The following GLCE variants were observed in gnomAD, a reference collection of about 807,000 sequenced individuals.
GLCE encodes glucuronic acid epimerase, also known as D-glucuronyl C5-epimerase.
Under a neutral mutation model 47.9 loss-of-function variants are expected in GLCE, and 19 were observed. The observed-to-expected ratio is 0.40, with a 90% CI of 0.28 to 0.58. The LOEUF is 0.58. Among genes scored for constraint, GLCE ranks in the 20% least tolerant of loss-of-function variants. The pLI, the probability that GLCE is intolerant of heterozygous loss-of-function variation, is 0.48. For synonymous variants in GLCE, 245 were observed against 263.4 expected, an observed-to-expected ratio of 0.93 and a Z score of 0.68; for missense variants, 556 against 743.3, an observed-to-expected ratio of 0.75 and a Z score of 2.93.
Position 69,260,448 on chromosome 15 carries a change from C to T in GLCE, c.587-639C>T, listed in dbSNP as rs761967289. Among the ~76,000 whole-genome samples, 7 of 151,884 alleles carry T rather than the reference C, an allele frequency of 4.6e-5. No individual in the cohort carries two copies. In the East Asian group the frequency reaches 7.7e-4, roughly 17 times the overall value. On this transcript the variant is annotated intron_variant, in intron 3 of 4. Coordinates refer to ENST00000261858, the MANE Select transcript of GLCE (RefSeq NM_015554.3). ...CTAGCTTTTTGTATGTTAGTAGAGA[C>T]GGGGTTTCACCGTGTTGCCCAGGCT... is the stretch of plus-strand genomic sequence containing the variant.
intron 1 of GLCE, among the ~76,000 whole-genome samples, chr15:69,185,407 C>T (rs1211101959): frequency 6.6e-6 from 1 of 152,098 alleles, no homozygotes; most frequent in Admixed American, 6.5e-5. Flanking sequence ...TTTGTATCTC[C>T]TTTCTCTCTG....
intron 2 of GLCE, among the ~76,000 whole-genome samples, chr15:69,252,491 A>G (rs776611903): frequency 1.3e-5 from 2 of 152,244 alleles, no homozygotes; most frequent in African/African-American, 4.8e-5. Flanking sequence ...GCGCTAAGCC[A>G]TTCAAGAGGG....
At position 69,256,178 on chromosome 15, in the gene GLCE, C is replaced by T. The variant is rs780877809; in HGVS notation, c.372C>T (p.Asn124=). 49 of 1,613,926 alleles carry T rather than the reference C, an allele frequency of 3.0e-5. No homozygotes were observed. The highest frequency in any genetic ancestry group is 3.3e-4 in the Middle Eastern group (2 of 6,084). The change falls in exon 3 of 5, where the codon AAC becomes AAT. Residue 124 remains asparagine (N), a synonymous_variant. Coordinates refer to ENST00000261858, the MANE Select transcript of GLCE (RefSeq NM_015554.3). The part of the protein sequence containing the change: ...EHTIKGRREG[N]EVFLPFTWVE... ...CAATTAAAGGGAGACGAGAGGGGAA[C>T]GAAGTCTTTCTTCCATTCACTTGGG...
At chr15:69,183,597 C>T (rs1158206013) in intron 1 of GLCE, among the ~76,000 whole-genome samples, 1 of 152,224 alleles carries the variant, frequency 6.6e-6, no homozygotes, top group Non-Finnish European at 1.5e-5. Context: ...AATGCTATTT[C>T]TGTAAACCAA....
At chr15:69,209,348 T>G (rs1191538317) in intron 1 of GLCE, among the ~76,000 whole-genome samples, 3 of 152,130 alleles carry the variant, frequency 2.0e-5, no homozygotes, top group Non-Finnish European at 2.9e-5. Context: ...CATTTGACTA[T>G]TATGTTAGGA....
intron 1 of GLCE, among the ~76,000 whole-genome samples, chr15:69,162,424 C>G (rs1346876126): frequency 6.6e-6 from 1 of 151,978 alleles, no homozygotes; most frequent in African/African-American, 2.4e-5. Flanking sequence ...ATGTGGCAGG[C>G]AGTGAAGTCC....
At chr15:69,239,456 A>G (rs754592473) in intron 2 of GLCE, among the ~76,000 whole-genome samples, 10 of 152,194 alleles carry the variant, frequency 6.6e-5, no homozygotes, top group Non-Finnish European at 1.5e-4. Context: ...AAGCTGGAAC[A>G]TAAGATGGTT....
intron 1 of GLCE, among the ~76,000 whole-genome samples, chr15:69,176,938 A>G (rs2051674791): frequency 6.6e-6 from 1 of 152,202 alleles, no homozygotes; most frequent in African/African-American, 2.4e-5. Context: ...GACTTAGAGT[A>G]GAATCAGGAC....
intron 1 of GLCE, among the ~76,000 whole-genome samples, chr15:69,178,826 TATTA>T (rs756477286): frequency 1.3e-5 from 2 of 152,270 alleles, no homozygotes; most frequent in Admixed American, 6.5e-5. Flanking sequence ...CTCTTTATAG[TATTA>T]ATTATATTGT....
chr15:69,201,112 C>T (rs774445555), intron 1 of GLCE, among the ~76,000 whole-genome samples: 1 of 152,126 alleles, frequency 6.6e-6, no homozygotes, highest in Non-Finnish European at 1.5e-5. Flanking sequence ...TTCTGTCTTC[C>T]TCTTCCACTT....
chr15:69,253,288 T>A (rs2052874730), intron 2 of GLCE, among the ~76,000 whole-genome samples: 1 of 152,232 alleles, frequency 6.6e-6, no homozygotes, highest in Admixed American at 6.5e-5. Flanking sequence ...AACACCATCT[T>A]CTTTCTGGCA....
intron 2 of GLCE, among the ~76,000 whole-genome samples, chr15:69,221,707 A>G (rs1034749055): frequency 1.4e-4 from 21 of 152,002 alleles, no homozygotes; most frequent in African/African-American, 4.6e-4. Flanking sequence ...TACTAAAAAT[A>G]CAAACATTAG....
At chr15:69,222,400 C>T (rs575134984) in intron 2 of GLCE, among the ~76,000 whole-genome samples, 6 of 152,228 alleles carry the variant, frequency 3.9e-5, no homozygotes, top group African/African-American at 9.6e-5. Context: ...TGTGTAGGCA[C>T]GACCAGACAG....
In GLCE at chr15:69,268,737, A is replaced by G; in HGVS notation, c.1347A>G (p.Gln449=). The change falls in exon 5 of 5, where the codon CAA becomes CAG. Residue 449 remains glutamine (Q), a synonymous_variant. Coordinates refer to ENST00000261858, the MANE Select transcript of GLCE (RefSeq NM_015554.3). ...GGTATTCTGCCATGGCCCAAGGGCAAGCCATTTCTACATTAGTCAGGGCCT... is the reference window on the plus strand; with the variant it reads ...GGTATTCTGCCATGGCCCAAGGGCAGGCCATTTCTACATTAGTCAGGGCCT... ...PGWYSAMAQG[Q]AISTLVRAYL... 1 of 1,614,246 alleles carries G rather than the reference A, an allele frequency of 6.2e-7. No individual in the cohort carries two copies. The highest frequency in any genetic ancestry group is 1.1e-5 in the South Asian group (1 of 91,090).
At chr15:69,252,695 T>A (rs138355644) in intron 2 of GLCE, among the ~76,000 whole-genome samples, 141 of 152,288 alleles carry the variant, frequency 9.3e-4, no homozygotes, top group African/African-American at 3.2e-3. Context: ...TTTATATTTC[T>A]ATATTAGTTG....
In GLCE at chr15:69,160,844, G is replaced by T. The variant is rs2051406669; in HGVS notation, c.-105+87G>T. On this transcript the variant is annotated intron_variant, in intron 1 of 4. Coordinates refer to ENST00000261858, the MANE Select transcript of GLCE (RefSeq NM_015554.3). This position sits in a 1 kb window ranked among gnomAD's most constrained non-coding sequence, Gnocchi z 4.2. ...CCGGAGCAGGCGGGCTCCTGACGGG[G>T]GCGGCTCTGGGGGCTGCGCGGCGCT... 1 of 152,898 alleles carries T rather than the reference G, an allele frequency of 6.5e-6. No homozygotes were observed. Among genetic ancestry groups the T allele is most frequent in the Non-Finnish European group, 1.5e-5 (1 of 68,600 alleles). The allele number at this position is 152,898 out of a possible 1,614,324, so 9.5% of individuals were successfully genotyped here. A position where few individuals can be genotyped will look rare whatever the true frequency, so the allele number is the denominator to read the frequency against.
intron 1 of GLCE, among the ~76,000 whole-genome samples, chr15:69,166,991 G>A (rs1250021748): frequency 6.6e-6 from 1 of 150,488 alleles, no homozygotes; most frequent in Non-Finnish European, 1.5e-5. Flanking sequence ...TGAAGCAGGT[G>A]GATCACTTGA....
intron 1 of GLCE, among the ~76,000 whole-genome samples, chr15:69,181,049 A>G (rs2051742207): frequency 6.6e-6 from 1 of 152,148 alleles, no homozygotes; most frequent in Non-Finnish European, 1.5e-5. Context: ...ACTGGGAAGC[A>G]GGGAGAGAAA....
chr15:69,173,457 T>G (rs1330687894), intron 1 of GLCE, among the ~76,000 whole-genome samples: 1 of 152,216 alleles, frequency 6.6e-6, no homozygotes, highest in Non-Finnish European at 1.5e-5. Flanking sequence ...AAGCATATCT[T>G]TTGCATTGCA....
Sources: gnomAD v4.1 joint callset for allele counts (sites outside exome capture counted in the v4.1 genomes callset) on GRCh38, gnomAD v4.1.1 for gene constraint, Gnocchi (gnomAD v3.1) non-coding constraint, MANE v1.5 for transcripts, NCBI Gene and HGNC (gene_info 2026-07-23, HGNC 2026-07-21) for gene names.